TM7SF3: variants seen among roughly 807,000 people sequenced by gnomAD.
TM7SF3 encodes seven span transmembrane protein.
A neutral mutation model predicts 65.5 loss-of-function variants in TM7SF3; 60 were observed. The observed-to-expected ratio is 0.92, with a 90% CI of 0.74 to 1.14. TM7SF3 has a LOEUF of 1.14. TM7SF3 is among the 50% of genes most tolerant of loss of function. The pLI is 0.00. For synonymous variants in TM7SF3, 264 were observed against 259.6 expected, an observed-to-expected ratio of 1.02 and a Z score of -0.16; for missense variants, 623 against 684.8, an observed-to-expected ratio of 0.91 and a Z score of 1.01.
At position 27,003,405 on chromosome 12, in the gene TM7SF3, A is replaced by G. The variant is rs1233815053; in HGVS notation, c.92-15T>C. 2 of 1,600,410 alleles carry G rather than the reference A, an allele frequency of 1.2e-6. No individual in the cohort carries two copies. The highest frequency in any genetic ancestry group is 2.7e-5 in the African/African-American group (2 of 74,424). On this transcript the variant is annotated splice_polypyrimidine_tract_variant and intron_variant, in intron 1 of 11. Transcript: ENST00000343028. ...TTCAATAAGACCTACAACGAGATAAACTTTTCATTACAACACTTGTACTCT... is the reference window on the plus strand; with the variant it reads ...TTCAATAAGACCTACAACGAGATAAGCTTTTCATTACAACACTTGTACTCT...
At chr12:26,988,672 T>TTTTGTG (rs1032405985) in intron 6 of TM7SF3, among the ~76,000 whole-genome samples, 9 of 146,228 alleles carry the variant, frequency 6.2e-5, no homozygotes, top group African/African-American at 2.3e-4. Flanking sequence ...GAGAAGAAAA[T>TTTTGTG]TGTGTGTGTG....
chr12:26,996,563 T>C (rs944448839), intron 4 of TM7SF3, among the ~76,000 whole-genome samples, 179 bp downstream of exon 4: 3 of 152,172 alleles, frequency 2.0e-5, no homozygotes, highest in Non-Finnish European at 2.9e-5. Context: ...AGTGGGAAAA[T>C]ATTAACTGTA....
At chr12:27,013,941 C>G in intron 1 of TM7SF3, 137 bp downstream of exon 1, 1 of 757,364 alleles carries the variant, frequency 1.3e-6, no homozygotes, top group South Asian at 1.5e-5. Flanking sequence ...CGTGCCGGTT[C>G]TGGACTCACC....
At position 26,980,598 on chromosome 12, in the gene TM7SF3, A is replaced by C. The variant is rs1209782104; in HGVS notation, c.1004T>G (p.Leu335Arg). 6.4e-7 allele frequency: 1 copy of C among 1,568,344 alleles called. No individual in the cohort carries two copies. Among genetic ancestry groups the C allele is most frequent in the Non-Finnish European group, 8.7e-7 (1 of 1,143,782 alleles). ...CTTGATAGGTGTCAGTCTTGTAATC[A>C]GTATATAAAAGAAGAATCCCATGAT... is the stretch of plus-strand genomic sequence containing the variant. ...FIIMGFFFYILITRLTPIKYD... is the reference protein window; with the variant it reads ...FIIMGFFFYIRITRLTPIKYD... Residue 335 changes from leucine to arginine, a missense_variant, in exon 8 of 12, where the codon CTG becomes CGG. Transcript: ENST00000343028.
chr12:26,977,779 TG>T (rs1939633720), intron 9 of TM7SF3, among the ~76,000 whole-genome samples: 1 of 150,646 alleles, frequency 6.6e-6, no homozygotes, highest in African/African-American at 2.4e-5. Context: ...TGTGTGTGTG[TG>T]TGTGTGTGTG....
chr12:27,007,736 C>G (rs1592317487), intron 1 of TM7SF3, among the ~76,000 whole-genome samples: 1 of 152,174 alleles, frequency 6.6e-6, no homozygotes, highest in South Asian at 2.1e-4. Flanking sequence ...GTGGCCCCTC[C>G]CAATCACATC....
Position 26,971,891 on chromosome 12 carries a change from A to G in TM7SF3, c.*2074T>C, listed in dbSNP as rs1939377136. ...TATTTTTCAAAGCAAAAATTGTTTT[A>G]TATTTTCTATGTTGTTTTATCCTGC... is the stretch of plus-strand genomic sequence containing the variant. On this transcript the variant is annotated 3_prime_UTR_variant, in exon 12 of 12. Transcript: ENST00000343028. 6.6e-6 allele frequency: 1 copy of G among 152,250 alleles called. No individual in the cohort carries two copies. Among genetic ancestry groups the G allele is most frequent in the Non-Finnish European group, 1.5e-5 (1 of 68,042 alleles). The allele number at this position is 152,250 out of a possible 1,614,324, so 9.4% of individuals were successfully genotyped here.
chr12:27,001,833 CT>C (rs1180803256), intron 2 of TM7SF3, among the ~76,000 whole-genome samples: 1 of 152,172 alleles, frequency 6.6e-6, no homozygotes, highest in South Asian at 2.1e-4. Flanking sequence ...TTGGCCTCCC[CT>C]GAGGAACTGG....
rs1190180197 is a variant in TM7SF3, at chr12:26,995,396, G to A, written c.531C>T (p.Pro177=). Residue 177 remains proline, a synonymous_variant, in exon 5 of 12, where the codon CCC becomes CCT. Transcript: ENST00000343028. The part of the protein sequence containing the change: ...ANLGYARGVD[P]PPCDAGTDQD... ...GGTCTGTCCCAGCGTCACATGGTGG[G>A]GGATCTACGCCTCTAAAGTCAACCA... is the stretch of plus-strand genomic sequence containing the variant. The A allele has an allele frequency of 6.2e-7, 1 of 1,614,012 alleles. No individual in the cohort carries two copies. The highest frequency in any genetic ancestry group is 1.3e-5 in the African/African-American group (1 of 74,912).
intron 6 of TM7SF3, 130 bp downstream of exon 6, chr12:26,990,320 C>T: frequency 1.6e-6 from 1 of 619,672 alleles, no homozygotes; most frequent in Non-Finnish European, 2.8e-6. Context: ...TGCTATGTCC[C>T]AGTGCCTAGA....
rs1342518362 is a variant in TM7SF3 at position 26,995,546 on chromosome 12, T to C, written c.519-138A>G. ...AGTTCACCTTTTGCAGTGGCAACAA[T>C]TGGTATTCTGAAGAAAAGTAATGCA... On this transcript the variant is annotated intron_variant, in intron 4 of 11. Transcript: ENST00000343028. 15 of 906,100 alleles carry C rather than the reference T, an allele frequency of 1.7e-5. No individual in the cohort carries two copies. The South Asian group carries it at 1.9e-4, about 11-fold the overall frequency. The allele number at this position is 906,100 out of a possible 1,614,324, so 56.1% of individuals were successfully genotyped here.
At chr12:26,983,692 C>A in intron 6 of TM7SF3, 1 of 358,168 alleles carries the variant, frequency 2.8e-6, no homozygotes, top group Non-Finnish European at 5.7e-6. Context: ...AAATTTAAAC[C>A]GAAACTCACA....
At chr12:27,003,849 T>C (rs779838000) in intron 1 of TM7SF3, among the ~76,000 whole-genome samples, 12 of 152,198 alleles carry the variant, frequency 7.9e-5, no homozygotes, top group Non-Finnish European at 1.3e-4. Flanking sequence ...ATACCGGTGT[T>C]TACCAGCTGT....
intron 6 of TM7SF3, among the ~76,000 whole-genome samples, chr12:26,988,635 G>A (rs1940203968): frequency 6.6e-6 from 1 of 151,722 alleles, no homozygotes; most frequent in Non-Finnish European, 1.5e-5. Flanking sequence ...AGGTCTTTAT[G>A]TCTGCAACTT....
chr12:26,990,585 A>G lies in TM7SF3; in HGVS notation c.733T>C (p.Ser245Pro), dbSNP rs1592289540. The G allele has an allele frequency of 6.2e-7, 1 of 1,613,956 alleles. No homozygotes were observed. The highest frequency in any genetic ancestry group is 8.5e-7 in the Non-Finnish European group (1 of 1,179,930). The stretch of plus-strand genomic sequence containing the variant: ...ATGACACCTTGTCCCGGGAGGGAGG[A>G]GAAGGAAACACTTGTCTTATCATTA... Reference protein sequence around the residue: ...TANDKTSVSFSSLPGQGVIYN... With the variant: ...TANDKTSVSFPSLPGQGVIYN... Residue 245 changes from serine (S) to proline (P), a missense_variant, in exon 6 of 12, where the codon TCC becomes CCC. Physicochemically the swap from Ser to Pro is moderately conservative, Grantham distance 74 (BLOSUM62 -1). Coordinates refer to ENST00000343028, the MANE Select transcript of TM7SF3 (RefSeq NM_016551.3).
Position 26,972,331 on chromosome 12 carries a change from T to A in TM7SF3, c.*1634A>T, listed in dbSNP as rs2136368807. On this transcript the variant is annotated 3_prime_UTR_variant, in exon 12 of 12. Coordinates refer to ENST00000343028, the MANE Select transcript of TM7SF3 (RefSeq NM_016551.3). ...TTTGTACAGAAATTATTAAAAACTATATTTTACACTAATGCTAACAGCTAA... is the reference window on the plus strand; with the variant it reads ...TTTGTACAGAAATTATTAAAAACTAAATTTTACACTAATGCTAACAGCTAA... 6.6e-6 allele frequency: 1 copy of A among 152,302 alleles called. No homozygotes were observed. The highest frequency in any genetic ancestry group is 2.1e-4 in the South Asian group (1 of 4,832). 9.4% of individuals were successfully genotyped at this position (152,302 alleles called of 1,614,324 possible).
In TM7SF3 at chr12:26,973,911, C is replaced by A; in HGVS notation, c.*54G>T. 2 of 1,583,268 alleles carry A rather than the reference C, an allele frequency of 1.3e-6. No individual in the cohort carries two copies. Among genetic ancestry groups the A allele is most frequent in the South Asian group, 1.2e-5 (1 of 86,288 alleles). The stretch of plus-strand genomic sequence containing the variant: ...TAGACTTGCACCAGAGACTGTTGAA[C>A]CACTCCAGGCATGAACTCCAAAGCT... On this transcript the variant is annotated 3_prime_UTR_variant, in exon 12 of 12. Coordinates refer to ENST00000343028, the MANE Select transcript of TM7SF3 (RefSeq NM_016551.3).
intron 9 of TM7SF3, chr12:26,978,075 G>T (rs1428747325): frequency 2.2e-6 from 1 of 452,392 alleles, no homozygotes; most frequent in South Asian, 1.6e-5. Context: ...CAGCATGGGT[G>T]ACAGAAAGAG....
At chr12:27,002,682 G>A (rs931421159) in intron 2 of TM7SF3, among the ~76,000 whole-genome samples, 2 of 152,156 alleles carry the variant, frequency 1.3e-5, no homozygotes, top group Admixed American at 6.5e-5. Flanking sequence ...AACTTTCTAA[G>A]GCTGAGGTTG....
Sources: gnomAD v4.1 joint callset for allele counts (sites outside exome capture counted in the v4.1 genomes callset) on GRCh38, gnomAD v4.1.1 for gene constraint, MANE v1.5 for transcripts, NCBI Gene and HGNC (gene_info 2026-07-23, HGNC 2026-07-21) for gene names.